Variants in CHID1 observed in about 807,000 individuals in gnomAD.
CHID1 encodes chitinase domain containing 1.
A neutral mutation model predicts 55.4 loss-of-function variants in CHID1; 44 were observed. That is an observed-to-expected ratio of 0.79 (90% CI 0.62 to 1.02). CHID1 has a LOEUF of 1.02. Among genes scored for constraint, CHID1 ranks in the 50% least tolerant of loss-of-function variants. The pLI is 0.00. For synonymous variants in CHID1, 216 were observed against 212.9 expected (o/e 1.01, Z -0.13); for missense variants, 491 against 515.3 (o/e 0.95, Z 0.46).
chr11:877,181 C>G (rs1226147335), intron 10 of CHID1, among the ~76,000 whole-genome samples: 1 of 152,174 alleles, frequency 6.6e-6, no homozygotes, highest in Non-Finnish European at 1.5e-5. Context: ...ACATACACAC[C>G]TTTGTAATCA....
At chr11:879,675 C>A (rs892542919) in intron 10 of CHID1, among the ~76,000 whole-genome samples, 4 of 152,202 alleles carry the variant, frequency 2.6e-5, no homozygotes, top group African/African-American at 9.7e-5. Flanking sequence ...ACTTTGTTAC[C>A]CTTGAAGACT....
At chr11:883,667 C>G (rs1850170668) in intron 9 of CHID1, among the ~76,000 whole-genome samples, 1 of 152,248 alleles carries the variant, frequency 6.6e-6, no homozygotes, top group South Asian at 2.1e-4. Flanking sequence ...GGCAGGAGTC[C>G]GCATGACACA....
At position 902,270 on chromosome 11, in the gene CHID1, G is replaced by T; in HGVS notation, c.322C>A (p.Pro108Thr). Reference protein sequence around the residue: ...VFGSKFTQISPVWLQLKRRGR... With the variant: ...VFGSKFTQISTVWLQLKRRGR... The stretch of plus-strand genomic sequence containing the variant: ...CGTCTCTTCAGCTGCAGCCAGACGG[G>T]TGAGATCTGTGTGAACTTGCTCCCA... Residue 108 changes from proline (P) to threonine (T), a missense_variant, in exon 4 of 13, where the codon CCC becomes ACC. Transcript: ENST00000323578. 6.2e-7 allele frequency: 1 copy of T among 1,613,984 alleles called. No individual in the cohort carries two copies. Among genetic ancestry groups the T allele is most frequent in the Non-Finnish European group, 8.5e-7 (1 of 1,179,978 alleles).
intron 7 of CHID1, among the ~76,000 whole-genome samples, chr11:896,686 A>G (rs1851327440): frequency 9.1e-6 from 1 of 110,452 alleles, no homozygotes; most frequent in Non-Finnish European, 1.8e-5. Context: ...TCCACCCCAG[A>G]CATGAGGCTG....
intron 10 of CHID1, chr11:882,471 AG>A (rs1299028506): frequency 6.6e-6 from 1 of 152,258 alleles, no homozygotes; most frequent in Non-Finnish European, 1.5e-5. Context: ...AAATTTTCCA[AG>A]TTTGCTAAGA....
intron 9 of CHID1, 92 bp from the exon 10 acceptor site, chr11:883,395 C>A: frequency 7.6e-7 from 1 of 1,317,326 alleles, no homozygotes; most frequent in Non-Finnish European, 1.0e-6. Flanking sequence ...TGCATCCTCC[C>A]CATGCTGCGG....
chr11:875,969 T>C lies in CHID1; in HGVS notation c.960-5470A>G, dbSNP rs1849485574. ...GTGTGGGTGGCAGGCGCCGCATTGCTTGGCGGTGCACGTGGTGTGTGGGGG... is the reference window on the plus strand; with the variant it reads ...GTGTGGGTGGCAGGCGCCGCATTGCCTGGCGGTGCACGTGGTGTGTGGGGG... On this transcript the variant is annotated intron_variant, in intron 10 of 12. Coordinates refer to ENST00000323578, the MANE Select transcript of CHID1 (RefSeq NM_023947.4). This position sits in a 1 kb window ranked among gnomAD's most constrained non-coding sequence, Gnocchi z 4.7. 6.6e-6 allele frequency among the ~76,000 whole-genome samples: 1 copy of C among 152,088 alleles called. No individual in the cohort carries two copies. Among genetic ancestry groups the C allele is most frequent in the African/African-American group, 2.4e-5 (1 of 41,414 alleles).
At chr11:911,917 G>T (rs1852717651), upstream of CHID1, among the ~76,000 whole-genome samples, 1 of 152,216 alleles carries the variant, frequency 6.6e-6, no homozygotes, top group Non-Finnish European at 1.5e-5. Context: ...TGTCCTCAGG[G>T]ACATATGCGC....
intron 2 of CHID1, 71 bp downstream of exon 2, chr11:904,635 G>T (rs1369174923): frequency 1.9e-6 from 3 of 1,577,108 alleles, no homozygotes; most frequent in Non-Finnish European, 2.6e-6. Flanking sequence ...GGCCCCAGTG[G>T]ACAGAAAGAA....
At chr11:889,294 C>T (rs1850631889) in intron 8 of CHID1, among the ~76,000 whole-genome samples, 1 of 152,220 alleles carries the variant, frequency 6.6e-6, no homozygotes, top group African/African-American at 2.4e-5. Flanking sequence ...CCCCACCCAC[C>T]CACCTTGGTC....
chr11:903,815 G>A (rs899074653), intron 2 of CHID1: 1 of 184,892 alleles, frequency 5.4e-6, no homozygotes, highest in Non-Finnish European at 1.1e-5. Context: ...CCAGGCACAC[G>A]CCACCATGCT....
intron 8 of CHID1, among the ~76,000 whole-genome samples, chr11:885,924 G>A (rs894456045): frequency 3.3e-5 from 5 of 151,868 alleles, no homozygotes; most frequent in African/African-American, 9.7e-5. Flanking sequence ...AGGCCGAGAC[G>A]GGAGGATCAC....
intron 7 of CHID1, among the ~76,000 whole-genome samples, chr11:897,617 C>T (rs771671328): frequency 6.6e-6 from 1 of 152,194 alleles, no homozygotes; most frequent in Non-Finnish European, 1.5e-5. Context: ...GCTGTGCAGA[C>T]GACAGGCTCC....
intron 4 of CHID1, among the ~76,000 whole-genome samples, chr11:901,702 G>C (rs558669586): frequency 2.0e-5 from 3 of 152,260 alleles, no homozygotes; most frequent in East Asian, 3.9e-4. Context: ...AAGTGCAAGG[G>C]AAGGCCACCC....
intron 10 of CHID1, among the ~76,000 whole-genome samples, chr11:873,921 CG>C (rs1342281415): frequency 6.6e-6 from 1 of 152,022 alleles, no homozygotes; most frequent in Non-Finnish European, 1.5e-5. Flanking sequence ...CAAAACACAC[CG>C]AGACGCGCCA....
intron 4 of CHID1, among the ~76,000 whole-genome samples, chr11:901,947 CCACT>C (rs1270166032): frequency 7.9e-5 from 12 of 152,272 alleles, no homozygotes; most frequent in Admixed American, 3.9e-4. Context: ...ACACTCACAC[CCACT>C]GTCTCACACT....
chr11:897,803 T>C (rs1268133872), intron 7 of CHID1, among the ~76,000 whole-genome samples: 6 of 151,852 alleles, frequency 4.0e-5, no homozygotes, highest in Non-Finnish European at 8.8e-5. Flanking sequence ...GAGTGGGGTC[T>C]GGGCACCAGG....
chr11:895,575 G>A (rs1399991953), intron 7 of CHID1, among the ~76,000 whole-genome samples: 2 of 152,142 alleles, frequency 1.3e-5, no homozygotes, highest in East Asian at 1.9e-4. Flanking sequence ...CTGGGCATGC[G>A]GACAACTGTA....
In CHID1 at chr11:875,393, G is replaced by A. The variant is rs867809706; in HGVS notation, c.960-4894C>T. On this transcript the variant is annotated intron_variant, in intron 10 of 12. Coordinates refer to ENST00000323578, the MANE Select transcript of CHID1 (RefSeq NM_023947.4). The surrounding 1 kb of genome is among the most constrained non-coding windows in gnomAD (Gnocchi z 4.7). ...CGGGGAGGCGGGCGTGGCTGGGCCC[G>A]CAGGTAATGCCAGCCAGTCCCTGCA... Among the ~76,000 whole-genome samples, 52 of 152,330 alleles carry A rather than the reference G, an allele frequency of 3.4e-4. No homozygotes were observed. The highest frequency in any genetic ancestry group is 1.7e-3 in the East Asian group (9 of 5,182).
Sources: allele counts gnomAD v4.1 joint callset (sites outside exome capture counted in the v4.1 genomes callset), GRCh38; gene constraint gnomAD v4.1.1; non-coding constraint Gnocchi (gnomAD v3.1); transcripts MANE v1.5; gene names NCBI Gene and HGNC (gene_info 2026-07-23, HGNC 2026-07-21).